FBXL20: variants seen among roughly 807,000 people sequenced by gnomAD.
The protein encoded by FBXL20 is F-box and leucine rich repeat protein 20, also known as F-box/LRR-repeat protein 20.
In FBXL20, 11 loss-of-function variants were observed where a neutral mutation model predicts 64.0. The ratio of observed to expected loss-of-function variants is 0.17; its 90% CI spans 0.11 to 0.28. FBXL20 has a LOEUF of 0.28. FBXL20 is among the 10% of genes least tolerant of loss of function. The pLI is 1.00. For synonymous variants in FBXL20, 184 were observed against 189.0 expected (o/e 0.97, Z 0.22); for missense variants, 303 against 526.2 (o/e 0.58, Z 4.15).
intron 1 of FBXL20, among the ~76,000 whole-genome samples, chr17:39,381,441 C>T (rs2048022080): frequency 7.1e-6 from 1 of 140,686 alleles, no homozygotes; most frequent in Admixed American, 7.6e-5. Flanking sequence ...GATCGTGCCA[C>T]TGCACTCCAG....
chr17:39,317,626 G>A (rs932360745), intron 2 of FBXL20, among the ~76,000 whole-genome samples: 1 of 148,178 alleles, frequency 6.7e-6, no homozygotes, highest in Admixed American at 6.8e-5. Context: ...AGGGCATCCA[G>A]AAAGGCCCCA....
chr17:39,350,796 C>T (rs769883272), intron 1 of FBXL20, among the ~76,000 whole-genome samples: 6 of 152,062 alleles, frequency 3.9e-5, no homozygotes, highest in Admixed American at 2.0e-4. Context: ...AGCATCAACC[C>T]GGAACTTACA....
intron 12 of FBXL20, among the ~76,000 whole-genome samples, chr17:39,268,454 C>T (rs1054629543): frequency 1.3e-5 from 2 of 152,032 alleles, no homozygotes; most frequent in Non-Finnish European, 2.9e-5. Context: ...CCAGGGCTAA[C>T]GATGCCAGGG....
At chr17:39,272,566 G>A (rs1050445466) in intron 10 of FBXL20, among the ~76,000 whole-genome samples, 54 of 151,318 alleles carry the variant, frequency 3.6e-4, no homozygotes, top group African/African-American at 1.3e-3. Context: ...GCCAGGCATG[G>A]TAGCGTATGC....
chr17:39,392,994 A>G (rs77301328), intron 1 of FBXL20, among the ~76,000 whole-genome samples: 1 of 142,772 alleles, frequency 7.0e-6, no homozygotes, highest in Non-Finnish European at 1.5e-5. Context: ...ACTCCATCTC[A>G]AAAAAAAAAA....
chr17:39,278,932 T>G (rs148877070), intron 9 of FBXL20, among the ~76,000 whole-genome samples: 2,249 of 151,702 alleles, frequency 0.015, 57 homozygotes, highest in African/African-American at 0.051. Context: ...GGCCGGCAGA[T>G]CACTTGAGGT....
At chr17:39,278,129 TATAC>T (rs765202740) in intron 9 of FBXL20, among the ~76,000 whole-genome samples, 1 of 152,218 alleles carries the variant, frequency 6.6e-6, no homozygotes, top group Non-Finnish European at 1.5e-5. Context: ...TATATGTGCT[TATAC>T]ATACAAACAC....
chr17:39,261,519 G>C lies in FBXL20; in HGVS notation c.1252C>G (p.Pro418Ala). 1.2e-6 allele frequency: 2 copies of C among 1,614,040 alleles called. No individual in the cohort carries two copies. Among genetic ancestry groups the C allele is most frequent in the Non-Finnish European group, 1.7e-6 (2 of 1,179,912 alleles). The part of the protein sequence containing the change: ...KVHAYFAPVT[P>A]PPSVGGSRQR... ...CTGCTGCCCCCTACTGATGGGGGTG[G>C]AGTGACAGGTGCGAAGTAGGCGTGG... is the stretch of plus-strand genomic sequence containing the variant. Residue 418 changes from proline (P) to alanine (A), a missense_variant, in exon 15 of 15, where the codon CCA (proline) becomes GCA (alanine). By Grantham distance (27) the Pro-to-Ala change is conservative. Around this residue, in one of 3 missense-constraint regions of FBXL20, gnomAD observed 56 missense variants for 86.0 expected, o/e 0.65. Coordinates refer to ENST00000264658, the MANE Select transcript of FBXL20 (RefSeq NM_032875.3).
chr17:39,369,588 T>C (rs1223224393), intron 1 of FBXL20, among the ~76,000 whole-genome samples: 1 of 152,094 alleles, frequency 6.6e-6, no homozygotes, highest in East Asian at 1.9e-4. Context: ...CCTGACCTCA[T>C]GATCCACCCG....
At chr17:39,289,226 C>T (rs1011595312) in intron 6 of FBXL20, among the ~76,000 whole-genome samples, 4 of 152,090 alleles carry the variant, frequency 2.6e-5, no homozygotes, top group East Asian at 3.8e-4. Flanking sequence ...AAATTGATTT[C>T]GTTATTCTAG....
intron 1 of FBXL20, among the ~76,000 whole-genome samples, chr17:39,360,033 AT>A (rs1204036117): frequency 1.3e-5 from 2 of 152,224 alleles, no homozygotes; most frequent in East Asian, 3.8e-4. Context: ...TTGTTTTATG[AT>A]TATATAAAAT....
chr17:39,374,448 T>C (rs1567901323), intron 1 of FBXL20, among the ~76,000 whole-genome samples: 1 of 147,484 alleles, frequency 6.8e-6, no homozygotes, highest in African/African-American at 2.5e-5. Context: ...GGCTGAGGCA[T>C]GAGAACTGCT....
chr17:39,280,856 C>A (rs953939782), intron 9 of FBXL20, among the ~76,000 whole-genome samples: 1 of 152,086 alleles, frequency 6.6e-6, no homozygotes, highest in East Asian at 1.9e-4. Context: ...CTCAAGCTCC[C>A]AAGCTCAACT....
In FBXL20 at chr17:39,275,115, CA is replaced by C. The variant is rs763380451; in HGVS notation, c.697-16del. The C allele has an allele frequency of 7.6e-6, 12 of 1,578,162 alleles. No individual in the cohort carries two copies. The African/African-American group carries it at 1.1e-4, about 15-fold the overall frequency. On this transcript the variant is annotated splice_polypyrimidine_tract_variant and intron_variant, in intron 9 of 14. Transcript: ENST00000264658. Reference sequence around the variant, plus strand: ...TCTGTGATTTGCTAAAAAACAAGAGCAAAAAAATCCATAGATATTAGTATCT... The same window carrying C: ...TCTGTGATTTGCTAAAAAACAAGAGCAAAAAATCCATAGATATTAGTATCT...
intron 1 of FBXL20, among the ~76,000 whole-genome samples, chr17:39,379,089 G>A (rs2047998022): frequency 6.7e-6 from 1 of 150,326 alleles, no homozygotes; most frequent in Non-Finnish European, 1.5e-5. Context: ...TAGCTGGGGT[G>A]GTGGCGCATG....
chr17:39,340,960 T>C (rs2047576856), intron 2 of FBXL20, among the ~76,000 whole-genome samples: 1 of 151,742 alleles, frequency 6.6e-6, no homozygotes, highest in Non-Finnish European at 1.5e-5. Context: ...AAGATGCCTC[T>C]ATGCTATTTG....
rs910493090 is a variant in FBXL20, at chr17:39,254,600, G to A, written c.*6860C>T. On this transcript the variant is annotated 3_prime_UTR_variant, in exon 15 of 15. Coordinates refer to ENST00000264658, the MANE Select transcript of FBXL20 (RefSeq NM_032875.3). The stretch of plus-strand genomic sequence containing the variant: ...CCTATCTGTTTGACTGGTTAAGTGT[G>A]TAGAAAGTAGGAGCCCTCTTTGCCA... 3.9e-5 allele frequency: 6 copies of A among 154,440 alleles called. No homozygotes were observed. Among genetic ancestry groups the A allele is most frequent in the Non-Finnish European group, 8.8e-5 (6 of 68,218 alleles). The allele number at this position is 154,440 out of a possible 1,614,324, so 9.6% of individuals were successfully genotyped here. A position where few individuals can be genotyped will look rare whatever the true frequency, so the allele number is the denominator to read the frequency against.
rs2047824775 is a variant in FBXL20 at position 39,363,827 on chromosome 17, CAAAAAA to C, written c.43-20592_43-20587del. Among the ~76,000 whole-genome samples, 6 of 78,028 alleles carry C rather than the reference CAAAAAA, an allele frequency of 7.7e-5. 1 individual carries two copies. The Admixed American group carries it at 8.4e-4, about 11-fold the overall frequency. 51.2% of individuals were successfully genotyped at this position (78,028 alleles called of 152,430 possible). On this transcript the variant is annotated intron_variant, in intron 1 of 14. Transcript: ENST00000264658. ...CTTTATCTCAAAAAAAAAAAAAAAA[CAAAAAA>C]CAAAAAAAAAAACAATAAAAAGTAA...
At chr17:39,392,553 T>G (rs1329946866) in intron 1 of FBXL20, among the ~76,000 whole-genome samples, 1 of 151,662 alleles carries the variant, frequency 6.6e-6, no homozygotes, top group African/African-American at 2.4e-5. Flanking sequence ...AAGGGCGACA[T>G]ATACAAAAAA....
Sources: allele counts gnomAD v4.1 joint callset (sites outside exome capture counted in the v4.1 genomes callset), GRCh38; gene constraint gnomAD v4.1.1; regional missense constraint gnomAD v4.1.1; transcripts MANE v1.5; gene names NCBI Gene and HGNC (gene_info 2026-07-23, HGNC 2026-07-21).